Variants in COMMD10 observed in about 807,000 individuals in gnomAD.
COMMD10 encodes COMM domain containing 10.
A neutral mutation model predicts 28.9 loss-of-function variants in COMMD10; 33 were observed. That is an observed-to-expected ratio of 1.14 (90% confidence interval 0.87 to 1.53). The LOEUF (loss-of-function observed/expected upper bound fraction) is 1.53. Among genes scored for constraint, COMMD10 ranks in the 40% most tolerant of loss-of-function variants. The pLI, the probability that COMMD10 is intolerant of heterozygous loss-of-function variation, is 0.00. For missense variants in COMMD10, 310 were observed against 233.4 expected, an observed-to-expected ratio of 1.33 and a Z score of -2.14; for synonymous variants, 110 against 81.7, an observed-to-expected ratio of 1.35 and a Z score of -1.87.
intron 5 of COMMD10, among the ~76,000 whole-genome samples, chr5:116,283,297 A>G (rs778235573): frequency 6.6e-5 from 10 of 151,826 alleles, no homozygotes; most frequent in Non-Finnish European, 1.5e-4. Context: ...TTTGTATGGA[A>G]GGGTGTGTAT....
intron 5 of COMMD10, among the ~76,000 whole-genome samples, chr5:116,269,707 C>T (rs141497429): frequency 1.3e-5 from 2 of 151,782 alleles, no homozygotes; most frequent in Admixed American, 6.6e-5. Flanking sequence ...TTTCCGTAAG[C>T]GCACAAAAGA....
intron 4 of COMMD10, among the ~76,000 whole-genome samples, chr5:116,126,500 C>T (rs1280817925): frequency 2.0e-5 from 3 of 152,040 alleles, no homozygotes; most frequent in Admixed American, 6.6e-5. Context: ...AAGCTGGAAG[C>T]ATCACATTAC....
chr5:116,177,531 C>G (rs908102852), intron 5 of COMMD10, among the ~76,000 whole-genome samples: 1 of 150,402 alleles, frequency 6.6e-6, no homozygotes, highest in Non-Finnish European at 1.5e-5. Flanking sequence ...AGTGACCCCC[C>G]CCACCCCACT....
chr5:116,147,649 G>A (rs1459937821), intron 5 of COMMD10, among the ~76,000 whole-genome samples: 1 of 151,738 alleles, frequency 6.6e-6, no homozygotes, highest in African/African-American at 2.4e-5. Flanking sequence ...GACATGTAAT[G>A]GGTGAAGATG....
At chr5:116,281,302 C>G (rs1399445573) in intron 5 of COMMD10, among the ~76,000 whole-genome samples, 2 of 151,546 alleles carry the variant, frequency 1.3e-5, no homozygotes, top group Admixed American at 1.3e-4. Context: ...TTCTGAAGAC[C>G]TTACTGAATT....
rs1447519682 is a variant in COMMD10 at position 116,264,327 on chromosome 5, T to C, written c.511-27190T>C. Among the ~76,000 whole-genome samples, 2 of 151,880 alleles carry C rather than the reference T, an allele frequency of 1.3e-5. 1 individual carries two copies. Among genetic ancestry groups the C allele is most frequent in the African/African-American group, 4.9e-5 (2 of 41,202 alleles). On this transcript the variant is annotated intron_variant, in intron 5 of 6. Transcript: ENST00000274458. Reference sequence around the variant, plus strand: ...ATACGTATGAAGGCACAAAAGTGTTTAATATTTTAGTTTATTCCCTTTAGT... The same window carrying C: ...ATACGTATGAAGGCACAAAAGTGTTCAATATTTTAGTTTATTCCCTTTAGT...
At chr5:116,239,799 C>G (rs547921319) in intron 5 of COMMD10, among the ~76,000 whole-genome samples, 2 of 152,222 alleles carry the variant, frequency 1.3e-5, no homozygotes, top group South Asian at 4.1e-4. Flanking sequence ...CTCCTGTTCT[C>G]GCAGAGTTTA....
intron 5 of COMMD10, among the ~76,000 whole-genome samples, chr5:116,196,353 A>AG (rs1220776160): frequency 1.3e-5 from 2 of 152,072 alleles, no homozygotes; most frequent in Non-Finnish European, 2.9e-5. Context: ...GGGTGAAGAG[A>AG]GGGAGGGGGT....
chr5:116,152,727 G>C (rs899285881), intron 5 of COMMD10, among the ~76,000 whole-genome samples: 2 of 151,958 alleles, frequency 1.3e-5, no homozygotes, highest in African/African-American at 4.8e-5. Flanking sequence ...CATGTTAAGG[G>C]ATGGTCCAAT....
chr5:116,155,052 C>T (rs1258271353), intron 5 of COMMD10, among the ~76,000 whole-genome samples: 1 of 152,040 alleles, frequency 6.6e-6, no homozygotes, highest in Non-Finnish European at 1.5e-5. Context: ...TATCTTTTAA[C>T]ATTGGTATCA....
At chr5:116,173,996 C>G (rs1753422269) in intron 5 of COMMD10, among the ~76,000 whole-genome samples, 1 of 151,922 alleles carries the variant, frequency 6.6e-6, no homozygotes, top group Non-Finnish European at 1.5e-5. Context: ...AAGCAAAGTC[C>G]TTCTCTCTTA....
chr5:116,185,299 A>G (rs560824246), intron 5 of COMMD10, among the ~76,000 whole-genome samples: 3 of 152,198 alleles, frequency 2.0e-5, no homozygotes, highest in Non-Finnish European at 4.4e-5. Context: ...CTAGATATAA[A>G]TATGTGGGAA....
chr5:116,177,154 G>C (rs1012049346), intron 5 of COMMD10, among the ~76,000 whole-genome samples: 5 of 152,086 alleles, frequency 3.3e-5, no homozygotes, highest in Non-Finnish European at 5.9e-5. Flanking sequence ...GAGCCTCAGA[G>C]TGGTGATTAA....
intron 5 of COMMD10, among the ~76,000 whole-genome samples, chr5:116,249,628 A>G (rs1268014900): frequency 6.6e-6 from 1 of 151,966 alleles, no homozygotes; most frequent in Non-Finnish European, 1.5e-5. Flanking sequence ...GAATTCTGAA[A>G]GATAATGCTG....
rs1397832093 is a variant in COMMD10, at chr5:116,130,378, A to G, written c.400-3690A>G. ...AAAATAAAGTGAGGCAAGTAGTGAC[A>G]CAGTTCACTTATTAGTTTTCTGTTA... On this transcript the variant is annotated intron_variant, in intron 4 of 6. Transcript: ENST00000274458. 2.6e-5 allele frequency among the ~76,000 whole-genome samples: 4 copies of G among 151,972 alleles called. 1 individual carries two copies. In the South Asian group the frequency reaches 6.2e-4, roughly 24 times the overall value.
At chr5:116,150,902 G>C (rs1249832748) in intron 5 of COMMD10, among the ~76,000 whole-genome samples, 2 of 151,392 alleles carry the variant, frequency 1.3e-5, no homozygotes, top group African/African-American at 4.9e-5. Context: ...ATGTTGAATA[G>C]GAGTGGTGAG....
chr5:116,232,812 C>G (rs889095778), intron 5 of COMMD10, among the ~76,000 whole-genome samples: 12 of 152,122 alleles, frequency 7.9e-5, no homozygotes, highest in Non-Finnish European at 2.9e-5. Context: ...TTGTTGGGTA[C>G]TCTTTTAATT....
At chr5:116,124,653 A>G (rs1242836783) in intron 4 of COMMD10, among the ~76,000 whole-genome samples, 4 of 152,128 alleles carry the variant, frequency 2.6e-5, no homozygotes, top group South Asian at 2.1e-4. Flanking sequence ...TGATCTGTCT[A>G]ATTTTAACAG....
chr5:116,102,250 G>T (rs544480340), intron 4 of COMMD10, among the ~76,000 whole-genome samples: 2 of 152,090 alleles, frequency 1.3e-5, no homozygotes, highest in Non-Finnish European at 1.5e-5. Context: ...AGAGACAGGG[G>T]TCTAGTCTCA....
Sources: gnomAD v4.1 joint callset for allele counts (sites outside exome capture counted in the v4.1 genomes callset) on GRCh38, gnomAD v4.1.1 for gene constraint, MANE v1.5 for transcripts, NCBI Gene and HGNC (gene_info 2026-07-23, HGNC 2026-07-21) for gene names.